Variants in CAST observed in about 807,000 individuals in gnomAD.
CAST encodes calpastatin.
A neutral mutation model predicts 119.6 loss-of-function variants in CAST; 76 were observed. That is an observed-to-expected ratio of 0.64 (90% CI 0.53 to 0.77). The LOEUF (loss-of-function observed/expected upper bound fraction) is 0.77, where lower values mean the gene tolerates loss of function less well. Ranked by LOEUF, CAST falls within the 30% of genes least tolerant of loss-of-function variation. The probability of loss-of-function intolerance (pLI) is 0.00; values close to 1 mark genes in which losing one functional copy is unlikely to be tolerated. For synonymous variants in CAST, 319 were observed against 331.6 expected, an observed-to-expected ratio of 0.96 and a Z score of 0.41; for missense variants, 953 against 946.5, an observed-to-expected ratio of 1.01 and a Z score of -0.09.
chr5:96,116,962 T>A, the CAST span, among the ~76,000 whole-genome samples: 18 of 152,234 alleles, frequency 1.2e-4, no homozygotes, highest in Non-Finnish European at 2.4e-4. Flanking sequence ...ACTTTCCACA[T>A]GGCAACTTGA....
intron 7 of CAST, 132 bp downstream of exon 7, chr5:96,729,341 C>T: frequency 7.9e-6 from 5 of 632,972 alleles, no homozygotes; most frequent in South Asian, 2.0e-5. Flanking sequence ...TAAAATGGTG[C>T]CATCCTGTGG....
At chr5:96,141,103 A>G in the CAST span, among the ~76,000 whole-genome samples, 1 of 152,236 alleles carries the variant, frequency 6.6e-6, no homozygotes, top group Non-Finnish European at 1.5e-5. Flanking sequence ...TATTCATTAT[A>G]CATTCAGATA....
At chr5:96,191,333 T>G in the CAST span, among the ~76,000 whole-genome samples, 1 of 152,240 alleles carries the variant, frequency 6.6e-6, no homozygotes, top group Non-Finnish European at 1.5e-5. Context: ...AGGTTACTTA[T>G]ATGCCAGGCA....
the CAST span, among the ~76,000 whole-genome samples, chr5:96,383,746 A>G: frequency 6.6e-6 from 1 of 152,178 alleles, no homozygotes; most frequent in Non-Finnish European, 1.5e-5. Context: ...GTTTTATCCT[A>G]AGTACTCTTC....
At chr5:96,556,091 G>T (rs1024773706) in intron 1 of CAST, among the ~76,000 whole-genome samples, 5 of 152,296 alleles carry the variant, frequency 3.3e-5, no homozygotes, top group African/African-American at 1.2e-4. Context: ...CTTATACCCA[G>T]GCAAACAGGG....
At chr5:96,165,055 T>C in the CAST span, among the ~76,000 whole-genome samples, 1 of 152,126 alleles carries the variant, frequency 6.6e-6, no homozygotes, top group South Asian at 2.1e-4. Flanking sequence ...ATATTTTGAT[T>C]TTGAGAAGAT....
intron 1 of CAST, among the ~76,000 whole-genome samples, chr5:96,576,695 A>T (rs541980665): frequency 1.3e-5 from 2 of 151,850 alleles, no homozygotes; most frequent in Admixed American, 6.6e-5. Flanking sequence ...CATTTTTTTT[A>T]AATGTTGTAG....
the CAST span, among the ~76,000 whole-genome samples, chr5:95,980,715 G>A: frequency 1.1e-4 from 16 of 152,150 alleles, no homozygotes; most frequent in East Asian, 3.9e-4. Context: ...GTCACCCACC[G>A]TTAAGTTCTC....
the CAST span, among the ~76,000 whole-genome samples, chr5:96,437,394 C>T: frequency 6.6e-6 from 1 of 152,130 alleles, no homozygotes; most frequent in Non-Finnish European, 1.5e-5. Flanking sequence ...CTTTCTTTAA[C>T]AGGTTCTTTT....
chr5:96,084,554 G>T, the CAST span, among the ~76,000 whole-genome samples: 1 of 152,180 alleles, frequency 6.6e-6, no homozygotes, highest in African/African-American at 2.4e-5. Flanking sequence ...TTTGTTGGTC[G>T]CAGGCACCAG....
the CAST span, among the ~76,000 whole-genome samples, chr5:96,099,361 G>A: frequency 2.6e-5 from 4 of 152,038 alleles, no homozygotes; most frequent in African/African-American, 9.7e-5. Flanking sequence ...CCAATATTAT[G>A]TTGAATAAGA....
the CAST span, among the ~76,000 whole-genome samples, chr5:96,413,706 A>G: frequency 2.0e-5 from 3 of 151,438 alleles, no homozygotes; most frequent in Admixed American, 1.3e-4. Flanking sequence ...AGGCTGAGGC[A>G]CAAGAAATGC....
chr5:96,137,187 G>A, the CAST span, among the ~76,000 whole-genome samples: 1 of 152,136 alleles, frequency 6.6e-6, no homozygotes, highest in African/African-American at 2.4e-5. Flanking sequence ...TCAGTTGTAT[G>A]AGCCCCCTAA....
At chr5:96,249,860 C>A in the CAST span, among the ~76,000 whole-genome samples, 19 of 152,130 alleles carry the variant, frequency 1.2e-4, no homozygotes, top group Non-Finnish European at 7.3e-5. Flanking sequence ...TCTCCTCTAC[C>A]ATATTCCCAT....
At chr5:96,516,368 T>TAAAAAA in the CAST span, among the ~76,000 whole-genome samples, 1 of 149,406 alleles carries the variant, frequency 6.7e-6, no homozygotes, top group Non-Finnish European at 1.5e-5. Flanking sequence ...TATGTGAAAA[T>TAAAAAA]AAAAAAAAAA....
chr5:96,310,509 G>C, the CAST span, among the ~76,000 whole-genome samples: 8 of 150,444 alleles, frequency 5.3e-5, no homozygotes, highest in African/African-American at 1.9e-4. Context: ...ATTGACATTA[G>C]TTATTCTTTA....
At chr5:96,392,399 T>C in the CAST span, 1 of 153,368 alleles carries the variant, frequency 6.5e-6, no homozygotes, top group Non-Finnish European at 1.5e-5. Context: ...AGCATTCAGA[T>C]TTCAAGATCT....
At chr5:96,141,897 A>C in the CAST span, among the ~76,000 whole-genome samples, 1 of 152,188 alleles carries the variant, frequency 6.6e-6, no homozygotes, top group African/African-American at 2.4e-5. Flanking sequence ...AGTATTTGAC[A>C]TTGGCATCAG....
the CAST span, among the ~76,000 whole-genome samples, chr5:96,239,608 T>A: frequency 6.6e-6 from 1 of 152,034 alleles, no homozygotes; most frequent in Non-Finnish European, 1.5e-5. Context: ...CCTTAGGGAG[T>A]CTTTTTGTCC....
Sources: gnomAD v4.1 joint callset for allele counts (sites outside exome capture counted in the v4.1 genomes callset) on GRCh38, gnomAD v4.1.1 for gene constraint, MANE v1.5 for transcripts, NCBI Gene and HGNC (gene_info 2026-07-23, HGNC 2026-07-21) for gene names.